The following CACHD1 variants were observed in gnomAD, a reference collection of about 807,000 sequenced individuals.
CACHD1 encodes cache domain containing 1, also known as VWFA and cache domain-containing protein 1.
Under a neutral mutation model 138.7 loss-of-function variants are expected in CACHD1, and 71 were observed. The observed-to-expected ratio is 0.51, with a 90% CI of 0.42 to 0.62. CACHD1 has a LOEUF of 0.62. Ranked by LOEUF, CACHD1 falls within the 20% of genes least tolerant of loss-of-function variation. The probability of loss-of-function intolerance (pLI) is 0.00; values close to 1 mark genes in which losing one functional copy is unlikely to be tolerated. For synonymous variants in CACHD1, 578 were observed against 591.5 expected (o/e 0.98, Z 0.33); for missense variants, 1,389 against 1,625.3 (o/e 0.85, Z 2.50).
At chr1:64,473,637 G>T (rs907301015) in intron 1 of CACHD1, among the ~76,000 whole-genome samples, 1 of 152,192 alleles carries the variant, frequency 6.6e-6, no homozygotes, top group Non-Finnish European at 1.5e-5. Context: ...TTAAGGGATT[G>T]ACTCCTTTCA....
At chr1:64,569,609 A>G (rs1646910816) in intron 2 of CACHD1, among the ~76,000 whole-genome samples, 1 of 151,978 alleles carries the variant, frequency 6.6e-6, no homozygotes, top group South Asian at 2.1e-4. Flanking sequence ...GTAAGCTCCC[A>G]CTCTGGTGTG....
chr1:64,564,101 G>A (rs1478846205), intron 2 of CACHD1, among the ~76,000 whole-genome samples: 1 of 152,170 alleles, frequency 6.6e-6, no homozygotes, highest in Non-Finnish European at 1.5e-5. Flanking sequence ...AGCACCACTT[G>A]CATGCAGAGC....
At chr1:64,623,594 C>T (rs2100620655) in intron 4 of CACHD1, among the ~76,000 whole-genome samples, 1 of 152,200 alleles carries the variant, frequency 6.6e-6, no homozygotes, top group Middle Eastern at 3.4e-3. Context: ...AGATCTTGCC[C>T]TCGAGGATCT....
At chr1:64,577,318 G>A (rs1423890307) in intron 2 of CACHD1, among the ~76,000 whole-genome samples, 1 of 152,048 alleles carries the variant, frequency 6.6e-6, no homozygotes, top group Non-Finnish European at 1.5e-5. Context: ...TAGGAATTTT[G>A]AAGAATATTA....
intron 2 of CACHD1, chr1:64,580,034 A>G (rs962493175): frequency 2.0e-5 from 3 of 152,054 alleles, no homozygotes; most frequent in African/African-American, 7.3e-5. Flanking sequence ...TCTACTGCCC[A>G]CTGAATGTGA....
chr1:64,509,577 C>CTTTT (rs1646403431), intron 1 of CACHD1, among the ~76,000 whole-genome samples: 1 of 152,126 alleles, frequency 6.6e-6, no homozygotes, highest in African/African-American at 2.4e-5. Context: ...TTTTATAAGT[C>CTTTT]TTTATTTTTC....
At chr1:64,510,439 T>C (rs900388353) in intron 1 of CACHD1, among the ~76,000 whole-genome samples, 1 of 152,006 alleles carries the variant, frequency 6.6e-6, no homozygotes, top group African/African-American at 2.4e-5. Context: ...TAGGCAGCAA[T>C]AGAAATGGGA....
chr1:64,681,892 C>A (rs1650203407), intron 25 of CACHD1, 113 bp from the exon 26 acceptor site: 1 of 899,494 alleles, frequency 1.1e-6, no homozygotes, highest in Non-Finnish European at 1.8e-6. Flanking sequence ...TTTATTCTGG[C>A]TTTCCAAAGA....
chr1:64,561,670 T>C (rs115314669), intron 2 of CACHD1, among the ~76,000 whole-genome samples: 2,133 of 149,022 alleles, frequency 0.014, 45 homozygotes, highest in African/African-American at 0.05. Flanking sequence ...CCAGGCAACA[T>C]AGGGAGACAC....
At chr1:64,522,964 C>G (rs1005346326) in intron 1 of CACHD1, among the ~76,000 whole-genome samples, 90 of 152,162 alleles carry the variant, frequency 5.9e-4, no homozygotes, top group African/African-American at 2.0e-3. Context: ...GGGAAGTAGA[C>G]CATACTGTGT....
Position 64,680,561 on chromosome 1 carries a change from A to G in CACHD1, c.3407-697A>G, listed in dbSNP as rs77644038. 9.2e-3 allele frequency among the ~76,000 whole-genome samples: 1,407 copies of G among 152,192 alleles called. 23 individuals carry two copies. The highest frequency in any genetic ancestry group is 0.032 in the African/African-American group (1,349 of 41,514). On this transcript the variant is annotated intron_variant, in intron 24 of 26. Coordinates refer to ENST00000651257, the MANE Select transcript of CACHD1 (RefSeq NM_020925.4). ...TCATGGCCTCAATACCACGTGCAGT[A>G]TCTATACTCTGTTTAAGTGCAGTAT...
intron 4 of CACHD1, among the ~76,000 whole-genome samples, chr1:64,626,212 C>T (rs777522565): frequency 2.6e-5 from 4 of 152,182 alleles, no homozygotes; most frequent in Non-Finnish European, 4.4e-5. Flanking sequence ...CAGTGACAGG[C>T]GGAGCCAGCA....
At chr1:64,483,444 G>A (rs547087263) in intron 1 of CACHD1, among the ~76,000 whole-genome samples, 36 of 152,178 alleles carry the variant, frequency 2.4e-4, no homozygotes, top group African/African-American at 7.5e-4. Flanking sequence ...TATGAAATAT[G>A]CAGCCTGCTA....
chr1:64,490,654 A>G (rs903928829), intron 1 of CACHD1, among the ~76,000 whole-genome samples: 2 of 152,156 alleles, frequency 1.3e-5, no homozygotes, highest in African/African-American at 4.8e-5. Context: ...AGTGAGTTTC[A>G]AAAATAGCTT....
chr1:64,639,451 A>G (rs1648630006), intron 7 of CACHD1, among the ~76,000 whole-genome samples: 1 of 152,216 alleles, frequency 6.6e-6, no homozygotes, highest in Non-Finnish European at 1.5e-5. Flanking sequence ...ATCAGCATTC[A>G]CTTCCTAATC....
In CACHD1 at chr1:64,662,518, A is replaced by C. The variant is rs1280920218; in HGVS notation, c.1952-1177A>C. On this transcript the variant is annotated intron_variant, in intron 13 of 26. Coordinates refer to ENST00000651257, the MANE Select transcript of CACHD1 (RefSeq NM_020925.4). ...TTTCTACAGATTACTTTTTAAGTGCAATGTCCAGCACAATCAGAGATCACC... is the reference window on the plus strand; with the variant it reads ...TTTCTACAGATTACTTTTTAAGTGCCATGTCCAGCACAATCAGAGATCACC... Among the ~76,000 whole-genome samples the C allele has an allele frequency of 2.0e-5, 3 of 152,328 alleles. No homozygotes were observed. In the East Asian group the frequency reaches 5.8e-4, roughly 29 times the overall value.
chr1:64,639,048 A>G (rs1448579971), intron 7 of CACHD1, among the ~76,000 whole-genome samples: 5 of 152,226 alleles, frequency 3.3e-5, no homozygotes, highest in African/African-American at 1.2e-4. Flanking sequence ...CCTTCCAGAC[A>G]TGGACCTTTG....
At chr1:64,516,989 G>A (rs1232921635) in intron 1 of CACHD1, among the ~76,000 whole-genome samples, 3 of 152,152 alleles carry the variant, frequency 2.0e-5, no homozygotes, top group African/African-American at 7.2e-5. Flanking sequence ...TCTTGTGCAA[G>A]TCATTTAAGC....
chr1:64,677,642 G>A (rs2100730506), intron 22 of CACHD1, among the ~76,000 whole-genome samples: 1 of 152,302 alleles, frequency 6.6e-6, no homozygotes, highest in East Asian at 1.9e-4. Flanking sequence ...TTATACAGTA[G>A]CCCCAAGTCA....
Sources: allele counts gnomAD v4.1 joint callset (sites outside exome capture counted in the v4.1 genomes callset), GRCh38; gene constraint gnomAD v4.1.1; transcripts MANE v1.5; gene names NCBI Gene and HGNC (gene_info 2026-07-23, HGNC 2026-07-21).